The following SLC39A11 variants were observed in gnomAD, a reference collection of about 807,000 sequenced individuals.
SLC39A11 encodes zinc transporter ZIP11.
In SLC39A11, 33 loss-of-function variants were observed where a neutral mutation model predicts 36.1. The observed-to-expected ratio is 0.91, with a 90% CI of 0.69 to 1.22. SLC39A11 has a LOEUF of 1.22. SLC39A11 is among the 50% of genes most tolerant of loss of function. The pLI is 0.00. For synonymous variants in SLC39A11, 166 were observed against 170.3 expected (o/e 0.97, Z 0.20); for missense variants, 432 against 430.3 (o/e 1.00, Z -0.03).
Position 72,936,411 on chromosome 17 carries a change from T to TA in SLC39A11, c.430+11340dup, listed in dbSNP as rs746428868. On this transcript the variant is annotated intron_variant, in intron 5 of 9. Coordinates refer to ENST00000255559, the MANE Select transcript of SLC39A11 (RefSeq NM_139177.4). ...TGGCAGTATCTCATCTGAAAAAAAG[T>TA]AAAAAAAAAAAAAAAAAAAAAAAAA... is the stretch of plus-strand genomic sequence containing the variant. Among the ~76,000 whole-genome samples, 164 of 73,456 alleles carry TA rather than the reference T, an allele frequency of 2.2e-3. 2 individuals are homozygous for TA. Among genetic ancestry groups the TA allele is most frequent in the African/African-American group, 7.6e-3 (153 of 20,054 alleles). 48.2% of individuals were successfully genotyped at this position (73,456 alleles called of 152,430 possible).
rs776562987 is a variant in SLC39A11 at position 72,759,102 on chromosome 17, A to AAATAATAATAATAATAATAAT, written c.602-22384_602-22383insATTATTATTATTATTATTATT. On this transcript the variant is annotated intron_variant, in intron 6 of 9. Transcript: ENST00000255559. ...GGCAACAGAGTGAGATTTCATCTAA[A>AAATAATAATAATAATAATAAT]AATAATAACAATAATAATAATAATA... Among the ~76,000 whole-genome samples, 451 of 135,442 alleles carry AAATAATAATAATAATAATAAT rather than the reference A, an allele frequency of 3.3e-3. 4 individuals carry two copies. Among genetic ancestry groups the AAATAATAATAATAATAATAAT allele is most frequent in the East Asian group, 0.021 (60 of 2,852 alleles). The allele number at this position is 135,442 out of a possible 152,430, so 88.9% of individuals were successfully genotyped here.
chr17:73,090,845 A>G (rs151116065), intron 1 of SLC39A11, among the ~76,000 whole-genome samples: 1 of 152,258 alleles, frequency 6.6e-6, no homozygotes, highest in Non-Finnish European at 1.5e-5. Flanking sequence ...AGAAAAAGGG[A>G]CACAGAGGGA....
At chr17:72,654,802 C>T (rs539342077) in intron 7 of SLC39A11, among the ~76,000 whole-genome samples, 24 of 152,254 alleles carry the variant, frequency 1.6e-4, no homozygotes, top group South Asian at 4.2e-4. Flanking sequence ...CGAAGGTAGC[C>T]GCAGAGTGAC....
intron 5 of SLC39A11, among the ~76,000 whole-genome samples, chr17:72,912,000 C>T (rs185455726): frequency 1.1e-4 from 17 of 152,142 alleles, no homozygotes; most frequent in Non-Finnish European, 2.1e-4. Flanking sequence ...CTCAAGAAGG[C>T]GTTCTGAGCA....
intron 4 of SLC39A11, among the ~76,000 whole-genome samples, chr17:73,025,690 G>C (rs2058511501): frequency 6.6e-6 from 1 of 152,188 alleles, no homozygotes; most frequent in Admixed American, 6.5e-5. Context: ...CAGAAGAAAA[G>C]AAGATCGAAA....
At chr17:72,997,182 C>T (rs534482913) in intron 4 of SLC39A11, among the ~76,000 whole-genome samples, 74 of 152,046 alleles carry the variant, frequency 4.9e-4, no homozygotes, top group Non-Finnish European at 4.9e-4. Flanking sequence ...CAATAGTTAA[C>T]GAATGCATAC....
chr17:72,851,119 C>T (rs185622413), intron 5 of SLC39A11, among the ~76,000 whole-genome samples: 53 of 152,230 alleles, frequency 3.5e-4, no homozygotes, highest in Admixed American at 1.2e-3. Context: ...AAGGGCAGAA[C>T]TGCAGCCCAC....
chr17:72,953,490 G>A (rs939344801), intron 4 of SLC39A11, among the ~76,000 whole-genome samples: 2 of 152,120 alleles, frequency 1.3e-5, no homozygotes, highest in African/African-American at 2.4e-5. Context: ...TAAAATCCTG[G>A]GGCTGTGCAG....
chr17:73,002,857 G>A (rs2089898874), intron 4 of SLC39A11, among the ~76,000 whole-genome samples: 1 of 152,180 alleles, frequency 6.6e-6, no homozygotes, highest in Non-Finnish European at 1.5e-5. Flanking sequence ...TCCTGTCAGG[G>A]CTTCCTCCCT....
At chr17:72,689,035 T>C (rs2071890322) in intron 7 of SLC39A11, among the ~76,000 whole-genome samples, 1 of 152,132 alleles carries the variant, frequency 6.6e-6, no homozygotes, top group Admixed American at 6.6e-5. Context: ...AGCAGGTACC[T>C]GAGGTGGGCC....
intron 6 of SLC39A11, among the ~76,000 whole-genome samples, chr17:72,779,697 C>A (rs970160993): frequency 6.6e-6 from 1 of 152,258 alleles, no homozygotes; most frequent in East Asian, 1.9e-4. Flanking sequence ...GAAATTCACA[C>A]CTTCTGGTCT....
chr17:73,033,017 C>T (rs772524942), intron 3 of SLC39A11, among the ~76,000 whole-genome samples: 2 of 152,218 alleles, frequency 1.3e-5, no homozygotes, highest in Admixed American at 6.5e-5. Context: ...CATCTTTCCA[C>T]GGACCAGGCA....
chr17:72,919,958 C>G (rs569546266), intron 5 of SLC39A11, among the ~76,000 whole-genome samples: 2 of 152,148 alleles, frequency 1.3e-5, no homozygotes, highest in Non-Finnish European at 2.9e-5. Flanking sequence ...AAATTCATTG[C>G]CTGAATGATG....
At chr17:72,723,133 T>C (rs2073771016) in intron 7 of SLC39A11, among the ~76,000 whole-genome samples, 1 of 152,166 alleles carries the variant, frequency 6.6e-6, no homozygotes, top group Admixed American at 6.5e-5. Flanking sequence ...TCTGCCTTTC[T>C]CACATGATGC....
At chr17:72,678,245 T>C (rs1397424290) in intron 7 of SLC39A11, among the ~76,000 whole-genome samples, 3 of 152,356 alleles carry the variant, frequency 2.0e-5, no homozygotes, top group East Asian at 1.9e-4. Flanking sequence ...TTGTGGGTTA[T>C]GTAAAGCTTG....
intron 6 of SLC39A11, among the ~76,000 whole-genome samples, chr17:72,747,118 G>T (rs1255413079): frequency 2.0e-5 from 3 of 152,168 alleles, no homozygotes; most frequent in Non-Finnish European, 4.4e-5. Context: ...TGGGGGCTTT[G>T]GGGACAGGGT....
At chr17:73,041,014 A>AAC (rs1555690072) in intron 3 of SLC39A11, among the ~76,000 whole-genome samples, 3 of 151,258 alleles carry the variant, frequency 2.0e-5, no homozygotes, top group African/African-American at 4.9e-5. Flanking sequence ...AAAAACAAAA[A>AAC]AAAAAAACAG....
chr17:73,030,214 G>A (rs1041334703), intron 4 of SLC39A11, among the ~76,000 whole-genome samples: 1 of 152,178 alleles, frequency 6.6e-6, no homozygotes. Context: ...CTGCTATGTG[G>A]CCCAGCTCCT....
chr17:72,934,540 C>T (rs143640842), intron 5 of SLC39A11, among the ~76,000 whole-genome samples: 1,741 of 152,206 alleles, frequency 0.011, 12 homozygotes, highest in Middle Eastern at 0.02. Flanking sequence ...GTGGCGTGTG[C>T]CTGTAGTCCC....
Sources: allele counts gnomAD v4.1 joint callset (sites outside exome capture counted in the v4.1 genomes callset), GRCh38; gene constraint gnomAD v4.1.1; transcripts MANE v1.5; gene names NCBI Gene and HGNC (gene_info 2026-07-23, HGNC 2026-07-21).